The following NRDE2 variants were observed in gnomAD, a reference collection of about 807,000 sequenced individuals.
The protein encoded by NRDE2 is nuclear exosome regulator NRDE2.
In NRDE2, 76 loss-of-function variants were observed where a neutral mutation model predicts 124.2. The observed-to-expected ratio is 0.61, with a 90% confidence interval of 0.51 to 0.74. The LOEUF is 0.74. Ranked by LOEUF, NRDE2 falls within the 30% of genes least tolerant of loss-of-function variation. NRDE2 has a pLI of 0.00. For missense variants in NRDE2, 1,314 were observed against 1,417.3 expected (o/e 0.93, Z 1.17); for synonymous variants, 489 against 528.1 (o/e 0.93, Z 1.01).
intron 9 of NRDE2, among the ~76,000 whole-genome samples, 189 bp downstream of exon 9, chr14:90,292,508 A>G (rs575029143): frequency 3.3e-5 from 5 of 152,304 alleles, no homozygotes; most frequent in African/African-American, 1.2e-4. Flanking sequence ...CAGCCAAGGA[A>G]ATTCTACACT....
rs1884446545 is a variant in NRDE2 at position 90,302,649 on chromosome 14, T to C, written c.1411+71A>G. ...TTTTCTAGAATAAATCAAAAATAGA[T>C]CTTCATTTTCAAGTAAAGCCAAAAG... On this transcript the variant is annotated intron_variant, in intron 6 of 13. Transcript: ENST00000354366. 7 of 1,383,606 alleles carry C rather than the reference T, an allele frequency of 5.1e-6. No individual in the cohort carries two copies. In the Admixed American group the frequency reaches 1.7e-4, roughly 33 times the overall value. 85.7% of individuals were successfully genotyped at this position (1,383,606 alleles called of 1,614,324 possible). A position where few individuals can be genotyped will look rare whatever the true frequency, so the allele number is the denominator to read the frequency against.
At chr14:90,321,311 C>T (rs990939500) in intron 1 of NRDE2, among the ~76,000 whole-genome samples, 8 of 152,064 alleles carry the variant, frequency 5.3e-5, no homozygotes, top group Admixed American at 1.3e-4. Flanking sequence ...AAGCGATCCT[C>T]CTGCTTCAGC....
rs374001112 is a variant in NRDE2, at chr14:90,274,175, T to C, written c.*4161A>G. 58 of 154,880 alleles carry C rather than the reference T, an allele frequency of 3.7e-4. 1 individual carries two copies. In the South Asian group the frequency reaches 7.0e-3, roughly 19 times the overall value. The allele number at this position is 154,880 out of a possible 1,614,324, so 9.6% of individuals were successfully genotyped here. A position where few individuals can be genotyped will look rare whatever the true frequency, so the allele number is the denominator to read the frequency against. Reference sequence around the variant, plus strand: ...TGTCAGCCCAAGTAGGGTGTGGAGCTGTCCATGTGGAGGAACACCACAGCA... The same window carrying C: ...TGTCAGCCCAAGTAGGGTGTGGAGCCGTCCATGTGGAGGAACACCACAGCA... On this transcript the variant is annotated 3_prime_UTR_variant, in exon 14 of 14. Coordinates refer to ENST00000354366, the MANE Select transcript of NRDE2 (RefSeq NM_017970.4).
At chr14:90,317,443 A>G (rs1164386878) in intron 2 of NRDE2, among the ~76,000 whole-genome samples, 1 of 152,168 alleles carries the variant, frequency 6.6e-6, no homozygotes, top group East Asian at 1.9e-4. Flanking sequence ...CCTCTCATAC[A>G]TCAACTCTTC....
chr14:90,272,790 G>A lies in NRDE2; in HGVS notation c.*5546C>T. On this transcript the variant is annotated 3_prime_UTR_variant, in exon 14 of 14. Transcript: ENST00000354366. The surrounding 1 kb of genome is among the most constrained non-coding windows in gnomAD (Gnocchi z 4.5). ...ACACCCCCAGAGCTGGCGTTCAACG[G>A]TAATTACAGTGGGAAATGGTCACTA... 6.2e-6 allele frequency: 1 copy of A among 161,398 alleles called. No homozygotes were observed. The highest frequency in any genetic ancestry group is 1.4e-5 in the Non-Finnish European group (1 of 73,946). 10.0% of individuals were successfully genotyped at this position (161,398 alleles called of 1,614,324 possible).
chr14:90,288,995 C>T lies in NRDE2; in HGVS notation c.2380G>A (p.Gly794Ser). Reference protein sequence around the residue: ...KQYAHLEWLLGNTEDARKVFD... With the variant: ...KQYAHLEWLLSNTEDARKVFD... ...ACTTTTCTGGCATCCTCCGTGTTGC[C>T]AAGCAACCACTCCAGATGTGCATAC... Residue 794 changes from glycine to serine, a missense_variant, in exon 11 of 14, where the codon GGC becomes AGC. Physicochemically the swap from Gly to Ser is moderately conservative, Grantham distance 56. Coordinates refer to ENST00000354366, the MANE Select transcript of NRDE2 (RefSeq NM_017970.4). The T allele has an allele frequency of 6.2e-7, 1 of 1,613,506 alleles. No individual in the cohort carries two copies. Among genetic ancestry groups the T allele is most frequent in the Middle Eastern group, 1.6e-4 (1 of 6,062 alleles).
intron 12 of NRDE2, chr14:90,279,612 A>G (rs1891898271): frequency 1.3e-5 from 2 of 153,412 alleles, no homozygotes; most frequent in South Asian, 4.1e-4. Flanking sequence ...GACTGTGATC[A>G]CTGACCTTAC....
chr14:90,274,834 A>ACCC lies in NRDE2; in HGVS notation c.*3501_*3502insGGG, dbSNP rs1374244227. ...CACACACACACACACACACACACAC[A>ACCC]CACACCCCAATACATATGAATTGAT... is the stretch of plus-strand genomic sequence containing the variant. On this transcript the variant is annotated 3_prime_UTR_variant, in exon 14 of 14. Coordinates refer to ENST00000354366, the MANE Select transcript of NRDE2 (RefSeq NM_017970.4). The ACCC allele has an allele frequency of 2.9e-4, 16 of 54,354 alleles. No individual in the cohort carries two copies. The East Asian group carries it at 4.8e-3, about 16-fold the overall frequency. The allele number at this position is 54,354 out of a possible 1,614,324, so 3.4% of individuals were successfully genotyped here.
chr14:90,301,181 CCT>C (rs1884385489), intron 7 of NRDE2, 56 bp downstream of exon 7: 1 of 1,575,310 alleles, frequency 6.3e-7, no homozygotes, highest in South Asian at 1.1e-5. Flanking sequence ...ACACCTTCCC[CCT>C]CTCCCTCCAG....
intron 12 of NRDE2, among the ~76,000 whole-genome samples, chr14:90,285,703 G>A (rs759749566): frequency 2.0e-4 from 30 of 152,088 alleles, no homozygotes; most frequent in African/African-American, 6.8e-4. Context: ...TGTGATCATA[G>A]CTCACTGCCA....
chr14:90,302,676 A>C lies in NRDE2; in HGVS notation c.1411+44T>G, dbSNP rs562506076. On this transcript the variant is annotated intron_variant, in intron 6 of 13. Transcript: ENST00000354366. ...TTCATTTTCAAGTAAAGCCAAAAGA[A>C]AGTCTAACTCCTCCCACGTAACTGG... is the stretch of plus-strand genomic sequence containing the variant. The C allele has an allele frequency of 7.0e-5, 105 of 1,493,026 alleles. No individual in the cohort carries two copies. In the South Asian group the frequency reaches 1.4e-3, roughly 19 times the overall value. The allele number at this position is 1,493,026 out of a possible 1,614,324, so 92.5% of individuals were successfully genotyped here. A position where few individuals can be genotyped will look rare whatever the true frequency, so the allele number is the denominator to read the frequency against.
At position 90,269,293 on chromosome 14, in the gene NRDE2, G is replaced by C. The variant is rs1408686016; in HGVS notation, c.*9043C>G. On this transcript the variant is annotated 3_prime_UTR_variant, in exon 14 of 14. Transcript: ENST00000354366. ...GGGAGTGCCATGTGAGTTGAAACAG[G>C]AATGTTTGTTAAGGTGTTTTGTCAC... The C allele has an allele frequency of 5.0e-6, 5 of 1,003,176 alleles. No homozygotes were observed. The highest frequency in any genetic ancestry group is 7.2e-6 in the Non-Finnish European group (5 of 691,022). The allele number at this position is 1,003,176 out of a possible 1,614,324, so 62.1% of individuals were successfully genotyped here.
intron 10 of NRDE2, 65 bp from the exon 11 acceptor site, chr14:90,289,210 TG>T (rs1405872810): frequency 7.4e-7 from 1 of 1,355,948 alleles, no homozygotes; most frequent in African/African-American, 1.5e-5. Context: ...TGCTGCCAAC[TG>T]TAGAAAGCAC....
intron 8 of NRDE2, among the ~76,000 whole-genome samples, chr14:90,296,276 C>T (rs375849002): frequency 2.6e-5 from 4 of 152,200 alleles, no homozygotes; most frequent in East Asian, 1.9e-4. Context: ...TTTGCTTATG[C>T]GGTCTTGCAG....
At chr14:90,284,698 A>C (rs1481207222) in intron 12 of NRDE2, among the ~76,000 whole-genome samples, 1 of 152,122 alleles carries the variant, frequency 6.6e-6, no homozygotes, top group Non-Finnish European at 1.5e-5. Flanking sequence ...TCCGAAACGT[A>C]CAATATTCAT....
At chr14:90,312,892 AG>A (rs1884896942) in intron 3 of NRDE2, among the ~76,000 whole-genome samples, 1 of 152,240 alleles carries the variant, frequency 6.6e-6, no homozygotes. Context: ...TTTATAAACA[AG>A]GTCTTTTCCT....
At chr14:90,330,461 T>TA (rs1439863730) in intron 1 of NRDE2, among the ~76,000 whole-genome samples, 3 of 152,140 alleles carry the variant, frequency 2.0e-5, no homozygotes, top group African/African-American at 7.2e-5. Context: ...CCCAACCTGA[T>TA]AGAGATTACA....
rs1297469847 is a variant in NRDE2, at chr14:90,304,680, T to C, written c.558-298A>G. On this transcript the variant is annotated intron_variant, in intron 4 of 13. Transcript: ENST00000354366. ...ATTTTCCTGGAGCCTTGTAAAGAAC[T>C]GTCACACACATTATGTCATTTGATC... is the stretch of plus-strand genomic sequence containing the variant. 2.7e-5 allele frequency: 8 copies of C among 299,488 alleles called. No homozygotes were observed. The South Asian group carries it at 5.6e-4, about 21-fold the overall frequency. The allele number at this position is 299,488 out of a possible 1,614,324, so 18.6% of individuals were successfully genotyped here.
chr14:90,316,845 T>TA (rs1439518101), intron 2 of NRDE2, 34 bp from the exon 3 acceptor site: 1 of 1,372,074 alleles, frequency 7.3e-7, no homozygotes, highest in East Asian at 2.3e-5. Context: ...AATTACTTTC[T>TA]AAAAAGATGT....
Sources: gnomAD v4.1 joint callset for allele counts (sites outside exome capture counted in the v4.1 genomes callset) on GRCh38, gnomAD v4.1.1 for gene constraint, Gnocchi (gnomAD v3.1) non-coding constraint, MANE v1.5 for transcripts, NCBI Gene and HGNC (gene_info 2026-07-23, HGNC 2026-07-21) for gene names.